Variants in AMOTL1 observed in about 807,000 individuals in gnomAD.
The protein encoded by AMOTL1 is angiomotin-like protein 1.
A neutral mutation model predicts 102.9 loss-of-function variants in AMOTL1; 45 were observed. The observed-to-expected ratio is 0.44, with a 90% CI of 0.34 to 0.56. AMOTL1 has a LOEUF of 0.56. Ranked by LOEUF, AMOTL1 falls within the 20% of genes least tolerant of loss-of-function variation. The pLI, the probability that AMOTL1 is intolerant of heterozygous loss-of-function variation, is 0.01. For missense variants in AMOTL1, 1,114 were observed against 1,225.6 expected (o/e 0.91, Z 1.36); for synonymous variants, 481 against 484.7 (o/e 0.99, Z 0.10).
chr11:94,740,731 G>T (rs1361291920), intron 2 of AMOTL1, among the ~76,000 whole-genome samples: 1 of 152,098 alleles, frequency 6.6e-6, no homozygotes, highest in African/African-American at 2.4e-5. Flanking sequence ...TGCCAGGGCC[G>T]AGTTGTCCCC....
chr11:94,715,988 G>A (rs1950090059), intron 1 of AMOTL1, among the ~76,000 whole-genome samples: 1 of 152,038 alleles, frequency 6.6e-6, no homozygotes, highest in Non-Finnish European at 1.5e-5. Flanking sequence ...AGATGCTAAT[G>A]ATAAAATATT....
rs200263076 is a variant in AMOTL1 at position 94,850,098 on chromosome 11, C to A, written c.1649-16C>A. ...AATTTCTGATAGAGGTAGTTTTGTT[C>A]GTGTTTCCCTTCTAGACAAAGAATT... On this transcript the variant is annotated splice_polypyrimidine_tract_variant and intron_variant, in intron 6 of 12. Transcript: ENST00000433060. 3 of 1,573,152 alleles carry A rather than the reference C, an allele frequency of 1.9e-6. No individual in the cohort carries two copies. The Admixed American group carries it at 5.6e-5, about 29-fold the overall frequency.
chr11:94,766,491 A>C (rs1950856400), upstream of AMOTL1, among the ~76,000 whole-genome samples: 1 of 152,226 alleles, frequency 6.6e-6, no homozygotes, highest in Non-Finnish European at 1.5e-5. Flanking sequence ...GATGGTTGTA[A>C]CTTGGAAATT....
intron 3 of AMOTL1, among the ~76,000 whole-genome samples, chr11:94,820,741 A>G (rs1951849403): frequency 6.6e-6 from 1 of 152,136 alleles, no homozygotes; most frequent in South Asian, 2.1e-4. Flanking sequence ...AGATTGTCCC[A>G]TCTGGGGTTG....
intron 1 of AMOTL1, among the ~76,000 whole-genome samples, chr11:94,724,307 C>A (rs953340073): frequency 2.6e-5 from 4 of 152,146 alleles, no homozygotes; most frequent in African/African-American, 9.7e-5. Flanking sequence ...GAACAAGGGG[C>A]AGGAGTTCCG....
intron 3 of AMOTL1, among the ~76,000 whole-genome samples, chr11:94,759,821 T>C (rs1452259463): frequency 6.6e-6 from 1 of 152,220 alleles, no homozygotes; most frequent in Non-Finnish European, 1.5e-5. Context: ...ATTATGATCT[T>C]TCTTCTTGTA....
rs143982744 is a variant in AMOTL1 at position 94,835,000 on chromosome 11, T to C, written c.1648+3459T>C. Reference sequence around the variant, plus strand: ...TGAAGTGGACATGAAACAGGCTCATTGTACTCCCCCAAGTCATGAGATTTG... The same window carrying C: ...TGAAGTGGACATGAAACAGGCTCATCGTACTCCCCCAAGTCATGAGATTTG... On this transcript the variant is annotated intron_variant, in intron 6 of 12. Transcript: ENST00000433060. 4.2e-3 allele frequency among the ~76,000 whole-genome samples: 634 copies of C among 152,308 alleles called. 12 individuals carry two copies. The highest frequency in any genetic ancestry group is 0.035 in the South Asian group (168 of 4,822).
At position 94,850,170 on chromosome 11, in the gene AMOTL1, A is replaced by G. The variant is rs1952503201; in HGVS notation, c.1705A>G (p.Thr569Ala). 1.3e-6 allele frequency: 2 copies of G among 1,591,096 alleles called. No individual in the cohort carries two copies. The highest frequency in any genetic ancestry group is 1.3e-5 in the African/African-American group (1 of 74,720). Residue 569 changes from threonine (T) to alanine (A), a missense_variant, in exon 7 of 13, where the codon ACT becomes GCT. Thr to Ala is a moderately conservative substitution (Grantham distance 58, BLOSUM62 0). Coordinates refer to ENST00000433060, the MANE Select transcript of AMOTL1 (RefSeq NM_130847.3). ...AGAAATGGAGTTAGCAGCAGTGCGG[A>G]CTGCAAGTGAGGACCATCGGAGACA... ...KLEMELAAVR[T>A]ASEDHRRHIE...
upstream of AMOTL1, among the ~76,000 whole-genome samples, chr11:94,764,118 G>A (rs1467849081): frequency 1.3e-5 from 2 of 152,048 alleles, no homozygotes; most frequent in African/African-American, 4.8e-5. Context: ...GAACTTGCCC[G>A]TTTTTTTCCT....
At chr11:94,821,376 A>G (rs1309443434) in intron 3 of AMOTL1, among the ~76,000 whole-genome samples, 154 bp from the exon 4 acceptor site, 3 of 152,188 alleles carry the variant, frequency 2.0e-5, no homozygotes, top group Non-Finnish European at 4.4e-5. Context: ...GAATGGTGCC[A>G]ATTGAGATGG....
At chr11:94,738,441 A>G (rs373444584) in intron 2 of AMOTL1, among the ~76,000 whole-genome samples, 16 of 152,128 alleles carry the variant, frequency 1.1e-4, no homozygotes, top group African/African-American at 3.6e-4. Context: ...TATTTTTACT[A>G]GAGATGGGTT....
At chr11:94,708,544 G>A (rs899494613) in intron 1 of AMOTL1, among the ~76,000 whole-genome samples, 1 of 152,126 alleles carries the variant, frequency 6.6e-6, no homozygotes, top group African/African-American at 2.4e-5. Flanking sequence ...GTAAATAGAA[G>A]AGTTAAATGA....
At chr11:94,760,229 C>G (rs556830794) in intron 3 of AMOTL1, among the ~76,000 whole-genome samples, 1 of 152,258 alleles carries the variant, frequency 6.6e-6, no homozygotes, top group African/African-American at 2.4e-5. Flanking sequence ...CAGGTTGTTT[C>G]CATTTAATCT....
chr11:94,867,789 C>T (rs1046429319), intron 11 of AMOTL1, among the ~76,000 whole-genome samples: 1 of 152,156 alleles, frequency 6.6e-6, no homozygotes, highest in Non-Finnish European at 1.5e-5. Context: ...TCACTCCCTA[C>T]GAGGACATCC....
chr11:94,716,378 G>A (rs908023538), intron 1 of AMOTL1, among the ~76,000 whole-genome samples: 5 of 152,062 alleles, frequency 3.3e-5, no homozygotes, highest in African/African-American at 1.2e-4. Flanking sequence ...CATAAAAGTT[G>A]TATGTTTCCT....
intron 1 of AMOTL1, among the ~76,000 whole-genome samples, chr11:94,771,253 C>T (rs377118091): frequency 0.021 from 393 of 18,368 alleles, 4 homozygotes; most frequent in Middle Eastern, 0.056. Flanking sequence ...TTCTTTTTGG[C>T]GGGGTTGGGG....
chr11:94,830,039 C>A lies in AMOTL1; in HGVS notation c.1414-11C>A. On this transcript the variant is annotated splice_polypyrimidine_tract_variant and intron_variant, in intron 4 of 12. Transcript: ENST00000433060. ...CAAAGGTACCACTTTAATGCCAGTT[C>A]TTTCTTTTAGTTTGAAAAAGAACTT... 1.3e-6 allele frequency: 2 copies of A among 1,585,194 alleles called. No individual in the cohort carries two copies. Among genetic ancestry groups the A allele is most frequent in the Non-Finnish European group, 1.7e-6 (2 of 1,168,718 alleles).
intron 3 of AMOTL1, 128 bp downstream of exon 3, chr11:94,800,439 T>G (rs1951456574): frequency 9.3e-7 from 1 of 1,075,898 alleles, no homozygotes; most frequent in African/African-American, 1.6e-5. Context: ...TGATATTTAA[T>G]AAACCACTTT....
Position 94,799,573 on chromosome 11 carries a change from G to A in AMOTL1, c.383G>A (p.Ser128Asn). ...LLAIQHQATG[S>N]AGPAHPTNNF... ...GCCATTCAGCACCAGGCCACAGGGA[G>A]TGCAGGACCAGCCCATCCTACAAAC... The change falls in exon 3 of 13, where the codon AGT becomes AAT. Residue 128 changes from serine to asparagine, a missense_variant. Ser to Asn is a conservative substitution (Grantham distance 46). Transcript: ENST00000433060. The surrounding 1 kb of genome is among the most constrained non-coding windows in gnomAD (Gnocchi z 4.5). The A allele has an allele frequency of 6.2e-7, 1 of 1,613,740 alleles. No individual in the cohort carries two copies. Among genetic ancestry groups the A allele is most frequent in the South Asian group, 1.1e-5 (1 of 91,048 alleles).
Sources: allele counts gnomAD v4.1 joint callset (sites outside exome capture counted in the v4.1 genomes callset), GRCh38; gene constraint gnomAD v4.1.1; non-coding constraint Gnocchi (gnomAD v3.1); transcripts MANE v1.5; gene names NCBI Gene and HGNC (gene_info 2026-07-23, HGNC 2026-07-21).